The following METTL21A variants were observed in gnomAD, a reference collection of about 807,000 sequenced individuals.
The protein encoded by METTL21A is protein N-lysine methyltransferase METTL21A.
A neutral mutation model predicts 20.9 loss-of-function variants in METTL21A; 22 were observed. The observed-to-expected ratio is 1.05, with a 90% CI of 0.75 to 1.50. The LOEUF (loss-of-function observed/expected upper bound fraction) is 1.50. METTL21A is among the 40% of genes most tolerant of loss of function. The pLI, the probability that METTL21A is intolerant of heterozygous loss-of-function variation, is 0.00. For synonymous variants in METTL21A, 93 were observed against 102.0 expected (o/e 0.91, Z 0.53); for missense variants, 271 against 266.8 (o/e 1.02, Z -0.11).
chr2:207,590,552 T>C (rs1386117397), intron 3 of METTL21A, among the ~76,000 whole-genome samples: 1 of 152,124 alleles, frequency 6.6e-6, no homozygotes, highest in African/African-American at 2.4e-5. Flanking sequence ...TTTTTTCCTA[T>C]TAATATATAC....
chr2:207,607,085 C>T (rs1020911967), downstream of METTL21A, among the ~76,000 whole-genome samples: 1 of 152,002 alleles, frequency 6.6e-6, no homozygotes, highest in African/African-American at 2.4e-5. Context: ...TACCATGTTA[C>T]CACTTGAAAT....
chr2:207,605,106 C>G (rs1439128537), downstream of METTL21A, among the ~76,000 whole-genome samples: 7 of 152,126 alleles, frequency 4.6e-5, no homozygotes, highest in Admixed American at 4.6e-4. Flanking sequence ...GTTGCTGGGT[C>G]ATGTTGAAAT....
At position 207,613,071 on chromosome 2, in the gene METTL21A, T is replaced by C. The variant is rs374255495; in HGVS notation, c.632A>G (p.Lys211Arg). The stretch of plus-strand genomic sequence containing the variant: ...TTATAAGTCCTCCTTCTGGTTTCTC[T>C]TCTGTGCTTCGTAAATATGTACATC... The change falls in exon 4 of 4, where the codon AAG becomes AGG. Residue 211 changes from lysine to arginine, a missense_variant. Coordinates refer to ENST00000406927, the Ensembl canonical transcript of METTL21A. The C allele has an allele frequency of 1.0e-5, 16 of 1,576,000 alleles. No homozygotes were observed. In the African/African-American group the frequency reaches 1.6e-4, roughly 16 times the overall value.
chr2:207,603,243 T>C (rs925314619), intron 3 of METTL21A: 1 of 220,252 alleles, frequency 4.5e-6, no homozygotes, highest in African/African-American at 2.2e-5. Flanking sequence ...ATTAACACTA[T>C]GTACATAATA....
chr2:207,608,119 C>G (rs2106831236), downstream of METTL21A, among the ~76,000 whole-genome samples: 1 of 152,224 alleles, frequency 6.6e-6, no homozygotes, highest in East Asian at 1.9e-4. Context: ...CATGCAGGGT[C>G]ATAAAGGACC....
At chr2:207,596,864 AAT>A in intron 3 of METTL21A, 1 of 1,576,052 alleles carries the variant, frequency 6.3e-7, no homozygotes. Flanking sequence ...ATCCAAAATA[AAT>A]ATGTGGAAAT....
chr2:207,617,698 T>A (rs182274745), intron 3 of METTL21A, among the ~76,000 whole-genome samples: 7 of 152,260 alleles, frequency 4.6e-5, no homozygotes, highest in African/African-American at 1.4e-4. Context: ...TGACAGCTAT[T>A]GAGAAAATAG....
chr2:207,615,140 G>C (rs1559116673), intron 3 of METTL21A, among the ~76,000 whole-genome samples: 1 of 152,146 alleles, frequency 6.6e-6, no homozygotes. Context: ...TTGCCCAATG[G>C]ATAGATTTCA....
chr2:207,620,722 T>C, intron 3 of METTL21A: 1 of 1,530,324 alleles, frequency 6.5e-7, no homozygotes, highest in Non-Finnish European at 8.7e-7. Flanking sequence ...CGGAAACCTC[T>C]GTCAATTTAC....
At chr2:207,603,362 A>T in intron 3 of METTL21A, 1 of 224,532 alleles carries the variant, frequency 4.5e-6, no homozygotes, top group Non-Finnish European at 8.9e-6. Flanking sequence ...TCTTTGTGGT[A>T]TCAACTGTCA....
exon 3 of METTL21A, chr2:207,621,836 C>A (rs1335414467): frequency 6.2e-7 from 1 of 1,614,228 alleles, no homozygotes; most frequent in Admixed American, 1.7e-5. Context: ...CCCACCAGCC[C>A]CGTGCCAGCA....
Position 207,582,107 on chromosome 2 carries a change from A to G in METTL21A, c.*40T>C, listed in dbSNP as rs779591448. ...CAGGTGTCTCCACTGTTGAGCTACC[A>G]TTTTTCTCTTTGTCCAGCCCATATT... On this transcript the variant is annotated 3_prime_UTR_variant, in exon 4 of 4. Transcript: ENST00000425132. The G allele has an allele frequency of 1.3e-5, 9 of 702,718 alleles. No homozygotes were observed. The Middle Eastern group carries it at 6.8e-4, about 53-fold the overall frequency. 43.5% of individuals were successfully genotyped at this position (702,718 alleles called of 1,614,324 possible).
chr2:207,596,905 TG>T, intron 3 of METTL21A: 1 of 1,598,648 alleles, frequency 6.3e-7, no homozygotes, highest in South Asian at 1.1e-5. Context: ...CGTCCTCTTT[TG>T]CTTGTAGGGA....
chr2:207,605,661 T>C (rs1329245403), downstream of METTL21A, among the ~76,000 whole-genome samples: 1 of 152,122 alleles, frequency 6.6e-6, no homozygotes, highest in Non-Finnish European at 1.5e-5. Flanking sequence ...ACACAAAAGG[T>C]AGGTACAAAC....
At chr2:207,600,274 ATAATC>A (rs1311590542) in intron 3 of METTL21A, 10 of 170,236 alleles carry the variant, frequency 5.9e-5, no homozygotes, top group Middle Eastern at 2.4e-3. Context: ...CATACAGTAT[ATAATC>A]TAAAGCTCTG....
chr2:207,618,103 G>T (rs1388655267), intron 3 of METTL21A, among the ~76,000 whole-genome samples: 1 of 152,212 alleles, frequency 6.6e-6, no homozygotes, highest in Non-Finnish European at 1.5e-5. Context: ...GAAAATCAAA[G>T]ACAGTATCTT....
At chr2:207,588,435 TATA>T (rs1574964835) in intron 3 of METTL21A, among the ~76,000 whole-genome samples, 1 of 152,340 alleles carries the variant, frequency 6.6e-6, no homozygotes, top group East Asian at 1.9e-4. Flanking sequence ...TTGAGTTCTG[TATA>T]ATAAGTCTTG....
At chr2:207,615,464 G>A (rs748616555) in intron 3 of METTL21A, among the ~76,000 whole-genome samples, 2 of 152,054 alleles carry the variant, frequency 1.3e-5, no homozygotes, top group Admixed American at 6.5e-5. Flanking sequence ...TTGGGAGGCC[G>A]AGGCAGGTGG....
downstream of METTL21A, chr2:207,609,064 A>G (rs2088557902): frequency 6.6e-6 from 1 of 152,216 alleles, no homozygotes; most frequent in Non-Finnish European, 1.5e-5. Context: ...GGACATTTCC[A>G]TTTCATGTGT....
Sources: allele counts gnomAD v4.1 joint callset (sites outside exome capture counted in the v4.1 genomes callset), GRCh38; gene constraint gnomAD v4.1.1; transcripts MANE v1.5; gene names NCBI Gene and HGNC (gene_info 2026-07-23, HGNC 2026-07-21).